Variants in MYO5B observed in about 807,000 individuals in gnomAD.
MYO5B encodes the protein myosin VB, also known as unconventional myosin-Vb.
Under a neutral mutation model 229.3 loss-of-function variants are expected in MYO5B, and 143 were observed. That is an observed-to-expected ratio of 0.62 (90% CI 0.54 to 0.72). The LOEUF (loss-of-function observed/expected upper bound fraction) is 0.72, where lower values mean the gene tolerates loss of function less well. Among genes scored for constraint, MYO5B ranks in the 30% least tolerant of loss-of-function variants. MYO5B has a pLI of 0.00. For synonymous variants in MYO5B, 918 were observed against 885.2 expected, an observed-to-expected ratio of 1.04 and a Z score of -0.66; for missense variants, 2,321 against 2,331.0, an observed-to-expected ratio of 1.00 and a Z score of 0.09.
chr18:49,972,368 G>A (rs932859494), intron 10 of MYO5B, among the ~76,000 whole-genome samples: 13 of 152,092 alleles, frequency 8.5e-5, no homozygotes, highest in African/African-American at 3.1e-4. Flanking sequence ...CCTAAGAACA[G>A]CAAAAAACCC....
At chr18:49,979,339 C>A (rs1426726332) in intron 9 of MYO5B, among the ~76,000 whole-genome samples, 1 of 152,236 alleles carries the variant, frequency 6.6e-6, no homozygotes. Flanking sequence ...TCTCACGAGG[C>A]TGCAGAGTCC....
chr18:50,134,839 A>G (rs2032311721), intron 1 of MYO5B, among the ~76,000 whole-genome samples: 1 of 152,148 alleles, frequency 6.6e-6, no homozygotes, highest in Non-Finnish European at 1.5e-5. Flanking sequence ...CTATTCCTCA[A>G]CCACCTTAAT....
At chr18:49,849,834 C>T (rs1044360571) in intron 31 of MYO5B, 174 bp from the exon 32 acceptor site, 15 of 674,188 alleles carry the variant, frequency 2.2e-5, no homozygotes, top group Non-Finnish European at 4.1e-5. Flanking sequence ...GCCACCTGCT[C>T]TGGAACTCAG....
Position 49,869,949 on chromosome 18 carries a change from G to A in MYO5B, c.3603+2218C>T, listed in dbSNP as rs556500681. Among the ~76,000 whole-genome samples, 6 of 152,282 alleles carry A rather than the reference G, an allele frequency of 3.9e-5. No homozygotes were observed. The East Asian group carries it at 5.8e-4, about 15-fold the overall frequency. ...AAAGGGTGGGTAGGATTGATGCCCC[G>A]AAAGTGCTACCTATAATAGTTCACA... On this transcript the variant is annotated intron_variant, in intron 27 of 39. Transcript: ENST00000285039.
intron 1 of MYO5B, among the ~76,000 whole-genome samples, chr18:50,171,682 A>G (rs1207449910): frequency 2.3e-5 from 3 of 128,208 alleles, no homozygotes; most frequent in Non-Finnish European, 5.0e-5. Context: ...TGGGTTCTGC[A>G]GTGTTGTTTC....
At chr18:50,050,375 T>C (rs946368542) in intron 2 of MYO5B, among the ~76,000 whole-genome samples, 3 of 152,136 alleles carry the variant, frequency 2.0e-5, no homozygotes, top group African/African-American at 7.2e-5. Flanking sequence ...AGTGCACCAA[T>C]ATGCAAGGAC....
intron 14 of MYO5B, among the ~76,000 whole-genome samples, chr18:49,942,425 G>A (rs1287625423): frequency 4.1e-5 from 6 of 145,174 alleles, no homozygotes; most frequent in African/African-American, 1.6e-4. Context: ...GAGTGAACAG[G>A]CAACCTACAG....
At chr18:50,067,945 T>C (rs2030862069) in intron 1 of MYO5B, among the ~76,000 whole-genome samples, 1 of 152,170 alleles carries the variant, frequency 6.6e-6, no homozygotes, top group Non-Finnish European at 1.5e-5. Context: ...TTGCTGGTGC[T>C]GTTTTCCTTA....
Position 50,071,195 on chromosome 18 carries a change from A to G in MYO5B, c.28-15817T>C, listed in dbSNP as rs540221736. ...GCTCATGCTGGTTCCTCTGCTGAAGATATCTTCCTCCCTTCCTCCACTGTT... is the reference window on the plus strand; with the variant it reads ...GCTCATGCTGGTTCCTCTGCTGAAGGTATCTTCCTCCCTTCCTCCACTGTT... On this transcript the variant is annotated intron_variant, in intron 1 of 39. Coordinates refer to ENST00000285039, the MANE Select transcript of MYO5B (RefSeq NM_001080467.3). 1.4e-4 allele frequency among the ~76,000 whole-genome samples: 22 copies of G among 152,250 alleles called. No homozygotes were observed. The South Asian group carries it at 1.9e-3, about 13-fold the overall frequency.
chr18:50,091,649 T>C (rs758133994), intron 1 of MYO5B, among the ~76,000 whole-genome samples: 3 of 152,166 alleles, frequency 2.0e-5, no homozygotes, highest in Non-Finnish European at 2.9e-5. Flanking sequence ...TCTGTCTTTG[T>C]AGGAGTCTCA....
intron 31 of MYO5B, 147 bp from the exon 32 acceptor site, chr18:49,849,807 G>C (rs1422046831): frequency 1.4e-6 from 1 of 728,078 alleles, no homozygotes; most frequent in Non-Finnish European, 2.5e-6. Flanking sequence ...CAGGAGAGCT[G>C]CTCTTCACAG....
chr18:49,864,495 T>A (rs2024373935), intron 27 of MYO5B, 115 bp from the exon 28 acceptor site: 1 of 1,429,114 alleles, frequency 7.0e-7, no homozygotes, highest in East Asian at 2.3e-5. Context: ...TCTTTAAACG[T>A]TGACACACAT....
intron 21 of MYO5B, among the ~76,000 whole-genome samples, chr18:49,900,147 G>A (rs957450860): frequency 1.3e-5 from 2 of 152,194 alleles, no homozygotes; most frequent in Admixed American, 1.3e-4. Context: ...CCCTGAGACT[G>A]CACTCTGGCT....
intron 12 of MYO5B, among the ~76,000 whole-genome samples, chr18:49,958,739 T>A (rs1171811332): frequency 6.6e-6 from 1 of 152,202 alleles, no homozygotes; most frequent in East Asian, 1.9e-4. Flanking sequence ...ATTAGGTTTC[T>A]GTCCCAACAA....
intron 1 of MYO5B, among the ~76,000 whole-genome samples, chr18:50,106,840 C>T (rs531023732): frequency 4.5e-4 from 69 of 152,154 alleles, no homozygotes; most frequent in Non-Finnish European, 8.1e-4. Flanking sequence ...CAAGGCTTGC[C>T]GATAGATAAT....
At chr18:49,925,328 C>G (rs750753518) in intron 17 of MYO5B, among the ~76,000 whole-genome samples, 3 of 152,200 alleles carry the variant, frequency 2.0e-5, no homozygotes, top group Non-Finnish European at 4.4e-5. Context: ...TCCCGCCTTC[C>G]GGTTGTCCCA....
At chr18:49,939,224 C>T (rs996587947) in intron 14 of MYO5B, among the ~76,000 whole-genome samples, 1 of 146,288 alleles carries the variant, frequency 6.8e-6, no homozygotes, top group African/African-American at 2.5e-5. Flanking sequence ...CAACTCACTG[C>T]AAGCTCTGCC....
intron 3 of MYO5B, among the ~76,000 whole-genome samples, chr18:50,039,278 G>C (rs1315575698): frequency 1.3e-5 from 2 of 152,300 alleles, no homozygotes; most frequent in African/African-American, 2.4e-5. Context: ...TAAAAAGAGA[G>C]AGAGAGATCA....
chr18:49,998,382 C>T (rs2026012121), intron 5 of MYO5B, among the ~76,000 whole-genome samples: 1 of 152,188 alleles, frequency 6.6e-6, no homozygotes, highest in Non-Finnish European at 1.5e-5. Context: ...TGTACACACT[C>T]CTCCTTCAGA....
Sources: gnomAD v4.1 joint callset for allele counts (sites outside exome capture counted in the v4.1 genomes callset) on GRCh38, gnomAD v4.1.1 for gene constraint, MANE v1.5 for transcripts, NCBI Gene and HGNC (gene_info 2026-07-23, HGNC 2026-07-21) for gene names.